The following ANKRD11 variants were observed in gnomAD, a reference collection of about 807,000 sequenced individuals.
The protein encoded by ANKRD11 is ankyrin repeat domain 11.
Under a neutral mutation model 195.7 loss-of-function variants are expected in ANKRD11, and 17 were observed. The ratio of observed to expected loss-of-function variants is 0.09; its 90% CI spans 0.06 to 0.13. The LOEUF is 0.13. Ranked by LOEUF, ANKRD11 falls within the 10% of genes least tolerant of loss-of-function variation. The pLI is 1.00. For missense variants in ANKRD11, 3,735 were observed against 3,566.1 expected (o/e 1.05, Z -1.21); for synonymous variants, 1,953 against 1,528.1 (o/e 1.28, Z -6.49).
chr16:89,469,598 A>G (rs2057001781), intron 1 of ANKRD11, among the ~76,000 whole-genome samples: 1 of 151,740 alleles, frequency 6.6e-6, no homozygotes, highest in Non-Finnish European at 1.5e-5. Flanking sequence ...AACGTACGCA[A>G]ATAAGAAAGG....
intron 2 of ANKRD11, among the ~76,000 whole-genome samples, chr16:89,371,806 A>C (rs2040206074): frequency 6.6e-6 from 1 of 152,210 alleles, no homozygotes; most frequent in Non-Finnish European, 1.5e-5. Flanking sequence ...CCCTCTGCCC[A>C]GGCCAGCAAT....
At chr16:89,437,152 C>G (rs1305335651) in intron 1 of ANKRD11, among the ~76,000 whole-genome samples, 1 of 152,180 alleles carries the variant, frequency 6.6e-6, no homozygotes, top group Non-Finnish European at 1.5e-5. Context: ...GCGAACAGAT[C>G]CATCACTGAA....
intron 2 of ANKRD11, among the ~76,000 whole-genome samples, chr16:89,391,113 A>G (rs2041174470): frequency 1.3e-5 from 2 of 151,872 alleles, no homozygotes; most frequent in African/African-American, 2.4e-5. Flanking sequence ...CTGTAGTCCC[A>G]GCTACTCGGG....
At chr16:89,435,362 C>G (rs753090349) in intron 1 of ANKRD11, among the ~76,000 whole-genome samples, 2 of 152,210 alleles carry the variant, frequency 1.3e-5, no homozygotes, top group Non-Finnish European at 2.9e-5. Flanking sequence ...CATGAGCCAG[C>G]AGCAGCAACC....
rs1243434748 is a variant in ANKRD11, at chr16:89,280,850, G to A, written c.5692C>T (p.Leu1898=). 6.2e-7 allele frequency: 1 copy of A among 1,603,442 alleles called. No individual in the cohort carries two copies. Among genetic ancestry groups the A allele is most frequent in the South Asian group, 1.1e-5 (1 of 90,616 alleles). The change falls in exon 9 of 13, where the codon CTG becomes TTG. Residue 1898 remains leucine, a synonymous_variant. Coordinates refer to ENST00000301030, the MANE Select transcript of ANKRD11 (RefSeq NM_013275.6). The part of the protein sequence containing the change: ...AKPSPSPRAE[L]LVPSLEGALP... ...GCCCCTTCGAGGGAAGGAACCAGCA[G>A]CTCGGCTCTGGGGGAAGGGGAAGGT...
At chr16:89,338,354 T>A in intron 2 of ANKRD11, among the ~76,000 whole-genome samples, 1 of 148,512 alleles carries the variant, frequency 6.7e-6, no homozygotes, top group South Asian at 2.1e-4. Context: ...AAATACTGAC[T>A]ACCTGCAAAA....
intron 1 of ANKRD11, among the ~76,000 whole-genome samples, chr16:89,453,060 A>G (rs745842273): frequency 6.6e-6 from 1 of 152,198 alleles, no homozygotes; most frequent in Admixed American, 6.5e-5. Context: ...TGCTGGGATG[A>G]CAGATGTAAG....
Position 89,282,071 on chromosome 16 carries a change from C to G in ANKRD11, c.4471G>C (p.Glu1491Gln). ...ADGLLRHHRD[E>Q]LLRHHRDEQK... ...TCGTCCCTGTGATGCCGCAGGAGCT[C>G]GTCCCTGTGATGCCGCAGCAGCCCA... The change falls in exon 9 of 13, where the codon GAG becomes CAG. Residue 1491 changes from glutamate (E) to glutamine (Q), a missense_variant. Transcript: ENST00000301030. 6.2e-7 allele frequency: 1 copy of G among 1,613,858 alleles called. No individual in the cohort carries two copies. Among genetic ancestry groups the G allele is most frequent in the Non-Finnish European group, 8.5e-7 (1 of 1,179,992 alleles).
chr16:89,481,919 T>G (rs2057457076), intron 1 of ANKRD11, among the ~76,000 whole-genome samples: 1 of 150,660 alleles, frequency 6.6e-6, no homozygotes, highest in South Asian at 2.1e-4. Flanking sequence ...TAGCTTACAG[T>G]TAAAAAAAAA....
intron 2 of ANKRD11, among the ~76,000 whole-genome samples, chr16:89,342,633 T>A (rs1402707749): frequency 2.0e-5 from 3 of 152,136 alleles, no homozygotes; most frequent in African/African-American, 7.2e-5. Context: ...GGTGAATAAA[T>A]CCCCAAGTAT....
At chr16:89,475,810 G>A (rs1056330996) in intron 1 of ANKRD11, among the ~76,000 whole-genome samples, 1 of 152,158 alleles carries the variant, frequency 6.6e-6, no homozygotes, top group East Asian at 1.9e-4. Flanking sequence ...AGCATTTTGG[G>A]AAGCCAAGGT....
chr16:89,268,921 C>G (rs1395170993), intron 12 of ANKRD11, among the ~76,000 whole-genome samples: 1 of 152,216 alleles, frequency 6.6e-6, no homozygotes, highest in African/African-American at 2.4e-5. Context: ...GGCCCGGGGG[C>G]CCTGCCCTGC....
At chr16:89,326,464 G>A (rs2037726822) in intron 2 of ANKRD11, among the ~76,000 whole-genome samples, 1 of 152,082 alleles carries the variant, frequency 6.6e-6, no homozygotes, top group African/African-American at 2.4e-5. Flanking sequence ...CACAAATAGG[G>A]CCAGGCACGG....
At chr16:89,448,669 T>G (rs144277164) in intron 1 of ANKRD11, among the ~76,000 whole-genome samples, 73 of 152,342 alleles carry the variant, frequency 4.8e-4, no homozygotes, top group Non-Finnish European at 8.4e-4. Context: ...TGCACAAATT[T>G]AATGAATTTA....
At chr16:89,483,894 G>C (rs1003108753) in intron 1 of ANKRD11, among the ~76,000 whole-genome samples, 3 of 151,634 alleles carry the variant, frequency 2.0e-5, no homozygotes, top group Non-Finnish European at 4.4e-5. Context: ...TCAAATTTCA[G>C]ATAGACTATT....
chr16:89,275,821 A>C (rs1173786727), intron 9 of ANKRD11, among the ~76,000 whole-genome samples: 1 of 152,120 alleles, frequency 6.6e-6, no homozygotes, highest in Non-Finnish European at 1.5e-5. Context: ...GCTGGAAGTG[A>C]ATGAGGAAGT....
chr16:89,470,851 G>C (rs1370604843), intron 1 of ANKRD11, among the ~76,000 whole-genome samples: 1 of 152,122 alleles, frequency 6.6e-6, no homozygotes, highest in Admixed American at 6.5e-5. Context: ...AAATTAGCTG[G>C]GCACGGTGGC....
rs553082568 is a variant in ANKRD11, at chr16:89,434,815, G to A, written c.-144-16447C>T. 2.6e-4 allele frequency among the ~76,000 whole-genome samples: 39 copies of A among 152,330 alleles called. No individual in the cohort carries two copies. The South Asian group carries it at 6.8e-3, about 27-fold the overall frequency. On this transcript the variant is annotated intron_variant, in intron 1 of 12. Coordinates refer to ENST00000301030, the MANE Select transcript of ANKRD11 (RefSeq NM_013275.6). ...ACAGGAAAGCACTGGATGGAGACGC[G>A]GCGAGGACACTGGCTGTCTGGGGCA...
intron 1 of ANKRD11, among the ~76,000 whole-genome samples, chr16:89,472,696 G>C (rs2057128965): frequency 6.6e-6 from 1 of 152,154 alleles, no homozygotes. Context: ...TGTTTTATTA[G>C]GTATCTGCCC....
Sources: gnomAD v4.1 joint callset for allele counts (sites outside exome capture counted in the v4.1 genomes callset) on GRCh38, gnomAD v4.1.1 for gene constraint, MANE v1.5 for transcripts, NCBI Gene and HGNC (gene_info 2026-07-23, HGNC 2026-07-21) for gene names.